Variants in ANK3 observed in about 807,000 individuals in gnomAD.
ANK3 encodes the protein ankyrin 3, also known as ankyrin-3.
A neutral mutation model predicts 370.9 loss-of-function variants in ANK3; 57 were observed. The observed-to-expected ratio is 0.15, with a 90% CI of 0.12 to 0.19. The LOEUF is 0.19. Ranked by LOEUF, ANK3 falls within the 10% of genes least tolerant of loss-of-function variation. The probability of loss-of-function intolerance (pLI) is 1.00; values close to 1 mark genes in which losing one functional copy is unlikely to be tolerated. For synonymous variants in ANK3, 1,929 were observed against 1,946.3 expected (o/e 0.99, Z 0.23); for missense variants, 4,439 against 5,302.1 (o/e 0.84, Z 5.06).
In ANK3 at chr10:60,224,328, A is replaced by G. The variant is rs183679282; in HGVS notation, c.897+10360T>C. 8.5e-4 allele frequency among the ~76,000 whole-genome samples: 130 copies of G among 152,280 alleles called. 2 individuals carry two copies. The East Asian group carries it at 0.018, about 21-fold the overall frequency. ...TAAAGCAACACAAACTGGCTAGTCC[A>G]GATCTCATATTTCATTTTAGTGACA... On this transcript the variant is annotated intron_variant, in intron 8 of 43. Coordinates refer to ENST00000280772, the MANE Select transcript of ANK3 (RefSeq NM_020987.5).
chr10:60,704,970 A>G (rs2079594455), intron 1 of ANK3, among the ~76,000 whole-genome samples: 1 of 152,198 alleles, frequency 6.6e-6, no homozygotes, highest in Admixed American at 6.5e-5. Context: ...AAAGCTTTTA[A>G]TCTTTATTAG....
intron 11 of ANK3, among the ~76,000 whole-genome samples, chr10:60,204,296 G>A (rs942140775): frequency 2.6e-5 from 4 of 152,152 alleles, no homozygotes; most frequent in African/African-American, 9.7e-5. Context: ...AGCTCTTAGG[G>A]AACAGAGAGC....
chr10:60,177,242 T>C (rs940170748), intron 18 of ANK3, among the ~76,000 whole-genome samples: 1 of 152,204 alleles, frequency 6.6e-6, no homozygotes, highest in Non-Finnish European at 1.5e-5. Flanking sequence ...TTGTCTTTGG[T>C]TTGCGCCACA....
At chr10:60,252,536 C>T (rs566488576) in intron 7 of ANK3, among the ~76,000 whole-genome samples, 1 of 152,164 alleles carries the variant, frequency 6.6e-6, no homozygotes, top group South Asian at 2.1e-4. Flanking sequence ...TTTTTCGGGT[C>T]ATTTAAAAAT....
chr10:60,638,901 A>G (rs1252504209), intron 1 of ANK3, among the ~76,000 whole-genome samples: 3 of 151,384 alleles, frequency 2.0e-5, no homozygotes, highest in Admixed American at 1.3e-4. Context: ...GGACAATATC[A>G]AGCAGTCTAA....
intron 2 of ANK3, among the ~76,000 whole-genome samples, chr10:60,496,650 C>T (rs2075663497): frequency 6.9e-6 from 1 of 144,382 alleles, no homozygotes; most frequent in Non-Finnish European, 1.5e-5. Context: ...ACTTTAATTA[C>T]TTTAAAGGCA....
At chr10:60,227,661 A>G (rs2097183575) in intron 8 of ANK3, among the ~76,000 whole-genome samples, 1 of 152,030 alleles carries the variant, frequency 6.6e-6, no homozygotes, top group African/African-American at 2.4e-5. Flanking sequence ...CTTGTGTTCA[A>G]GTCCTCCAAT....
chr10:60,468,995 G>GTATATATATA (rs1464396090), intron 2 of ANK3, among the ~76,000 whole-genome samples: 534 of 34,536 alleles, frequency 0.015, 112 homozygotes, highest in African/African-American at 0.028. Context: ...CACTTTTAGT[G>GTATATATATA]TGTATATATA....
chr10:60,421,443 A>G (rs2063777186), intron 2 of ANK3, among the ~76,000 whole-genome samples: 1 of 152,060 alleles, frequency 6.6e-6, no homozygotes, highest in South Asian at 2.1e-4. Flanking sequence ...AACTAGAGTG[A>G]CACAATGAGA....
chr10:60,503,083 C>T (rs1177104602), intron 2 of ANK3, among the ~76,000 whole-genome samples: 1 of 152,140 alleles, frequency 6.6e-6, no homozygotes, highest in Non-Finnish European at 1.5e-5. Flanking sequence ...CATTTATACT[C>T]TCATACATAA....
chr10:60,323,106 T>C (rs1246583572), intron 1 of ANK3, among the ~76,000 whole-genome samples: 1 of 152,066 alleles, frequency 6.6e-6, no homozygotes, highest in African/African-American at 2.4e-5. Flanking sequence ...TCACAGGGAA[T>C]TGAAGTGAGA....
intron 2 of ANK3, among the ~76,000 whole-genome samples, chr10:60,531,194 C>T (rs1320619289): frequency 6.6e-6 from 1 of 151,942 alleles, no homozygotes; most frequent in Non-Finnish European, 1.5e-5. Flanking sequence ...AAAATAGAGG[C>T]TGTTTAAATA....
intron 2 of ANK3, among the ~76,000 whole-genome samples, chr10:60,523,429 C>T (rs2076397258): frequency 1.5e-5 from 2 of 131,784 alleles, no homozygotes; most frequent in Middle Eastern, 3.9e-3. Flanking sequence ...TGTGATGTTC[C>T]CCTTCTTGTG....
intron 1 of ANK3, among the ~76,000 whole-genome samples, chr10:60,327,323 G>A (rs1017784082): frequency 2.0e-5 from 3 of 152,178 alleles, no homozygotes; most frequent in African/African-American, 7.2e-5. Context: ...AAGGGGACAA[G>A]ACACATTTTC....
At chr10:60,033,688 T>C (rs16914571) in intron 43 of ANK3, among the ~76,000 whole-genome samples, 13,549 of 152,174 alleles carry the variant, frequency 0.089, 704 homozygotes, top group African/African-American at 0.14. Context: ...CTGTGGATTT[T>C]AGACCCTAAT....
At chr10:60,732,695 A>T (rs2080040706) in intron 1 of ANK3, among the ~76,000 whole-genome samples, 1 of 152,062 alleles carries the variant, frequency 6.6e-6, no homozygotes, top group Non-Finnish European at 1.5e-5. Flanking sequence ...AAAACAAAAC[A>T]AAACAAACAA....
intron 8 of ANK3, among the ~76,000 whole-genome samples, chr10:60,216,615 C>T (rs1379619701): frequency 1.3e-5 from 2 of 152,030 alleles, no homozygotes; most frequent in African/African-American, 4.8e-5. Context: ...GGGATGAAGC[C>T]GATTTACTCG....
intron 2 of ANK3, among the ~76,000 whole-genome samples, chr10:60,594,196 A>T (rs2077955950): frequency 6.6e-6 from 1 of 152,264 alleles, no homozygotes; most frequent in Non-Finnish European, 1.5e-5. Context: ...CCCATATAGA[A>T]ATCTTTCTAC....
chr10:60,664,346 A>G (rs1193345282), intron 1 of ANK3, among the ~76,000 whole-genome samples: 1 of 152,246 alleles, frequency 6.6e-6, no homozygotes, highest in Non-Finnish European at 1.5e-5. Context: ...GGAGACAAAA[A>G]TTGAGAAGCA....
Sources: allele counts gnomAD v4.1 joint callset (sites outside exome capture counted in the v4.1 genomes callset), GRCh38; gene constraint gnomAD v4.1.1; transcripts MANE v1.5; gene names NCBI Gene and HGNC (gene_info 2026-07-23, HGNC 2026-07-21).